The following ADGRG2 variants were observed in gnomAD, a reference collection of about 807,000 sequenced individuals.
ADGRG2 encodes adhesion G protein-coupled receptor G2.
ADGRG2 carries 26 observed loss-of-function variants against 74.1 expected under a neutral mutation model. The ratio of observed to expected loss-of-function variants is 0.35; its 90% confidence interval spans 0.26 to 0.49. ADGRG2 has a LOEUF of 0.49. ADGRG2 is among the 20% of genes least tolerant of loss of function. ADGRG2 has a pLI of 0.99. For synonymous variants in ADGRG2, 296 were observed against 295.2 expected (o/e 1.00, Z -0.03); for missense variants, 619 against 763.1 (o/e 0.81, Z 2.22).
At chrX:19,121,454 C>A (rs2062608122) in intron 1 of ADGRG2, among the ~76,000 whole-genome samples, 1 of 111,289 alleles carries the variant, frequency 9.0e-6, no homozygotes, top group African/African-American at 3.3e-5. Flanking sequence ...TTTTTGCGTG[C>A]GTTTGGGGGT....
chrX:19,110,694 AC>A lies in ADGRG2; in HGVS notation c.-47+11747del, dbSNP rs1435672593. Among the ~76,000 whole-genome samples, 10 of 98,226 alleles carry A rather than the reference AC, an allele frequency of 1.0e-4. No individual in the cohort carries two copies. The East Asian group carries it at 2.9e-3, about 29-fold the overall frequency. The allele number at this position is 98,226 out of a possible 115,157, so 85.3% of individuals were successfully genotyped here. On this transcript the variant is annotated intron_variant, in intron 1 of 28. Transcript: ENST00000379869. ...GGGAGAGACTCTATCTCAAAAAAAA[AC>A]AAAAAACAAACAAAAAAAAAAAACA...
At chrX:19,004,459 G>A (rs890300672) in intron 23 of ADGRG2, among the ~76,000 whole-genome samples, 2 of 112,206 alleles carry the variant, frequency 1.8e-5, no homozygotes, top group East Asian at 5.5e-4. Flanking sequence ...CAGATGGTAA[G>A]TCTCTGGGTT....
rs2059990599 is a variant in ADGRG2 at position 18,994,959 on chromosome X, T to C, written c.2806A>G (p.Asn936Asp). 2 of 1,200,088 alleles carry C rather than the reference T, an allele frequency of 1.7e-6. No homozygotes were observed. The highest frequency in any genetic ancestry group is 5.9e-5 in the East Asian group (2 of 33,769). Residue 936 changes from asparagine to aspartate, a missense_variant, in exon 28 of 29, where the codon AAC becomes GAC. Asn to Asp is a conservative substitution (Grantham distance 23, BLOSUM62 1). Coordinates refer to ENST00000379869, the MANE Select transcript of ADGRG2 (RefSeq NM_001079858.3). ...SSSNSLQSSSNSTNSTTLLVN... is the reference protein window; with the variant it reads ...SSSNSLQSSSDSTNSTTLLVN... ...AGCAGTGTGGTGGAGTTAGTGGAGT[T>C]ACTGCTTGACTGTAAGGAATTTGAA...
chrX:19,025,468 A>G (rs773899993), intron 11 of ADGRG2, among the ~76,000 whole-genome samples: 29 of 111,663 alleles, frequency 2.6e-4, no homozygotes, highest in Non-Finnish European at 5.3e-4. Context: ...GTGGATCCCC[A>G]AGGCCGAGCA....
chrX:19,071,275 T>G (rs1426787128), intron 2 of ADGRG2, among the ~76,000 whole-genome samples: 1 of 112,049 alleles, frequency 8.9e-6, no homozygotes, highest in Admixed American at 9.5e-5. Context: ...TATTATGTAT[T>G]AATGCTAGAA....
intron 3 of ADGRG2, 21 bp downstream of exon 3, chrX:19,068,696 G>T: frequency 4.4e-6 from 3 of 678,346 alleles, no homozygotes; most frequent in Non-Finnish European, 6.6e-6. Flanking sequence ...AAAAAAAAAT[G>T]AAGAAAAACA....
chrX:19,119,378 C>T (rs763883244), intron 1 of ADGRG2, among the ~76,000 whole-genome samples: 1 of 111,920 alleles, frequency 8.9e-6, no homozygotes, highest in East Asian at 2.8e-4. Context: ...AAATTCCATG[C>T]GGATTAAATA....
At chrX:19,029,590 T>A (rs185398212) in intron 9 of ADGRG2, among the ~76,000 whole-genome samples, 2 of 111,525 alleles carry the variant, frequency 1.8e-5, no homozygotes, top group East Asian at 5.6e-4. Context: ...CCTGATGAGG[T>A]TGTTGTCACC....
At chrX:18,994,306 A>G (rs1009296149) in intron 28 of ADGRG2, among the ~76,000 whole-genome samples, 113 of 111,927 alleles carry the variant, frequency 1.0e-3, no homozygotes, top group African/African-American at 3.4e-3. Context: ...CCTGGCCAAC[A>G]TGGTGAAACC....
Position 19,007,313 on chromosome X carries a change from T to C in ADGRG2, c.1611A>G (p.Ser537=), listed in dbSNP as rs1333913500. 8.3e-7 allele frequency: 1 copy of C among 1,206,217 alleles called. No homozygotes were observed. Among genetic ancestry groups the C allele is most frequent in the East Asian group, 3.0e-5 (1 of 33,817 alleles). The change falls in exon 20 of 29, where the codon TCA becomes TCG. Residue 537 remains serine, a synonymous_variant. Transcript: ENST00000379869. ...ENLSLISYVI[S]SSVANLTVRN... The stretch of plus-strand genomic sequence containing the variant: ...TGACGGTCAGGTTTGCAACACTCGA[T>C]GATATGACGTAGCTGATCAGAGAGA...
At chrX:19,084,817 C>T (rs2061912690) in intron 1 of ADGRG2, among the ~76,000 whole-genome samples, 1 of 111,868 alleles carries the variant, frequency 8.9e-6, no homozygotes. Context: ...TGTTCGCTCC[C>T]TTGGAATACT....
intron 13 of ADGRG2, 61 bp downstream of exon 13, chrX:19,023,355 T>A (rs1461077514): frequency 1.4e-6 from 1 of 693,762 alleles, no homozygotes; most frequent in Non-Finnish European, 2.2e-6. Flanking sequence ...TAAGACTCCT[T>A]AATACTTTAT....
chrX:18,994,204 T>G (rs1222288660), intron 28 of ADGRG2, among the ~76,000 whole-genome samples: 2 of 111,783 alleles, frequency 1.8e-5, no homozygotes, highest in East Asian at 5.6e-4. Context: ...GGTTTAAAAG[T>G]GTTGGCTGGG....
intron 1 of ADGRG2, among the ~76,000 whole-genome samples, chrX:19,109,377 T>C (rs371147191): frequency 9.0e-6 from 1 of 111,661 alleles, no homozygotes; most frequent in Non-Finnish European, 1.9e-5. Context: ...TTGGTACAGA[T>C]TTTTTCCTGG....
At position 19,068,717 on chromosome X, in the gene ADGRG2, CT is replaced by C; in HGVS notation, c.117del (p.Glu40LysfsTer40). On this transcript the variant is annotated frameshift_variant and splice_region_variant, in exon 3 of 29. Coordinates refer to ENST00000379869, the MANE Select transcript of ADGRG2 (RefSeq NM_001079858.3). LOFTEE classifies it high-confidence loss of function. ...AAATGAAGAAAAACAGACACATTAC[CT>C]TCCAGGGATGTTACCAGAACGACAT... ...CLHVVLVTSLEEDTDNSSLSP... is the reference protein window; with the variant it reads ...CLHVVLVTSLXEDTDNSSLSP... 1 of 905,239 alleles carries C rather than the reference CT, an allele frequency of 1.1e-6. No individual in the cohort carries two copies. The highest frequency in any genetic ancestry group is 1.6e-6 in the Non-Finnish European group (1 of 641,239). The allele number at this position is 905,239 out of a possible 1,213,427, so 74.6% of individuals were successfully genotyped here.
intron 28 of ADGRG2, among the ~76,000 whole-genome samples, chrX:18,994,634 T>TA (rs1200590323): frequency 8.9e-6 from 1 of 112,430 alleles, no homozygotes; most frequent in Non-Finnish European, 1.9e-5. Context: ...AGTGAGGATT[T>TA]AAAATGTTAA....
intron 24 of ADGRG2, among the ~76,000 whole-genome samples, chrX:19,001,485 G>C (rs2060131895): frequency 9.0e-6 from 1 of 111,395 alleles, no homozygotes; most frequent in Non-Finnish European, 1.9e-5. Flanking sequence ...GTACCTTCTG[G>C]TGACCCTGAC....
At chrX:19,005,554 CTTTT>C (rs72423142) in intron 22 of ADGRG2, among the ~76,000 whole-genome samples, 1 of 95,643 alleles carries the variant, frequency 1.0e-5, no homozygotes. Flanking sequence ...ATCTCTCTCT[CTTTT>C]TTTTTTTTTT....
chrX:19,061,550 T>C (rs1469466452), intron 3 of ADGRG2, among the ~76,000 whole-genome samples: 1 of 111,946 alleles, frequency 8.9e-6, no homozygotes, highest in Non-Finnish European at 1.9e-5. Flanking sequence ...AATTTATAGA[T>C]ACAATTTAGA....
Sources: gnomAD v4.1 joint callset for allele counts (sites outside exome capture counted in the v4.1 genomes callset) on GRCh38, gnomAD v4.1.1 for gene constraint, MANE v1.5 for transcripts, NCBI Gene and HGNC (gene_info 2026-07-23, HGNC 2026-07-21) for gene names.